The following ADARB1 variants were observed in gnomAD, a reference collection of about 807,000 sequenced individuals.
ADARB1 encodes the protein adenosine deaminase RNA specific B1, also known as double-stranded RNA-specific editase 1.
In ADARB1, 10 loss-of-function variants were observed where a neutral mutation model predicts 52.4. That is an observed-to-expected ratio of 0.19 (90% confidence interval 0.12 to 0.32). The LOEUF is 0.32. Among genes scored for constraint, ADARB1 ranks in the 10% least tolerant of loss-of-function variants. The pLI is 1.00. For synonymous variants in ADARB1, 349 were observed against 371.1 expected, an observed-to-expected ratio of 0.94 and a Z score of 0.68; for missense variants, 643 against 922.3, an observed-to-expected ratio of 0.70 and a Z score of 3.92.
rs2092936225 is a variant in ADARB1 at position 45,220,098 on chromosome 21, A to T, written c.1748-738A>T. ...TCTTGCTTCAATTTTAGCAGAAGTC[A>T]TGTAGCTCTGATAGGAGCGCTTTTC... On this transcript the variant is annotated intron_variant, in intron 9 of 10. Transcript: ENST00000348831. This position sits in a 1 kb window ranked among gnomAD's most constrained non-coding sequence, Gnocchi z 6.3. Among the ~76,000 whole-genome samples, 1 of 150,936 alleles carries T rather than the reference A, an allele frequency of 6.6e-6. No homozygotes were observed. Among genetic ancestry groups the T allele is most frequent in the Non-Finnish European group, 1.5e-5 (1 of 67,942 alleles).
chr21:45,119,632 G>T (rs1205361110), intron 1 of ADARB1, among the ~76,000 whole-genome samples: 2 of 152,200 alleles, frequency 1.3e-5, no homozygotes, highest in East Asian at 3.8e-4. Flanking sequence ...ATGGTGTGTT[G>T]CAAGTTAGTT....
At chr21:45,210,429 G>A (rs1408750915) in intron 9 of ADARB1, among the ~76,000 whole-genome samples, 1 of 152,184 alleles carries the variant, frequency 6.6e-6, no homozygotes, top group Non-Finnish European at 1.5e-5. Context: ...TCTCTGTGCA[G>A]ATGACTGTAA....
In ADARB1 at chr21:45,204,498, G is replaced by A; in HGVS notation, c.1566-57G>A. ...CCTGTAACCACGCAGGCTTGGGCTGGGCTGCGTCGACACTGAGTCCGAGCT... is the reference window on the plus strand; with the variant it reads ...CCTGTAACCACGCAGGCTTGGGCTGAGCTGCGTCGACACTGAGTCCGAGCT... On this transcript the variant is annotated intron_variant, in intron 8 of 10. Transcript: ENST00000348831. The surrounding 1 kb of genome is among the most constrained non-coding windows in gnomAD (Gnocchi z 4.4). The A allele has an allele frequency of 6.4e-7, 1 of 1,567,194 alleles. No individual in the cohort carries two copies. Among genetic ancestry groups the A allele is most frequent in the South Asian group, 1.2e-5 (1 of 86,344 alleles).
chr21:45,150,670 G>C (rs918741795), intron 2 of ADARB1, among the ~76,000 whole-genome samples: 1 of 152,112 alleles, frequency 6.6e-6, no homozygotes, highest in South Asian at 2.1e-4. Context: ...CCACCCTAAC[G>C]AGAAGTGAAG....
chr21:45,123,006 T>C (rs180947214), intron 1 of ADARB1, among the ~76,000 whole-genome samples: 1 of 152,342 alleles, frequency 6.6e-6, no homozygotes, highest in African/African-American at 2.4e-5. Flanking sequence ...AGCTACTTGG[T>C]CCCATTGTTA....
In ADARB1 at chr21:45,220,244, A is replaced by G. The variant is rs781380535; in HGVS notation, c.1748-592A>G. Among the ~76,000 whole-genome samples, 4 of 152,160 alleles carry G rather than the reference A, an allele frequency of 2.6e-5. No homozygotes were observed. The highest frequency in any genetic ancestry group is 6.5e-5 in the Admixed American group (1 of 15,280). On this transcript the variant is annotated intron_variant, in intron 9 of 10. Transcript: ENST00000348831. This position sits in a 1 kb window ranked among gnomAD's most constrained non-coding sequence, Gnocchi z 6.3. ...TTGAAATCCATGAGGTTTTTTCATA[A>G]TAAGCATTTTCCATGAACTTTTTCA...
At chr21:45,093,130 C>T (rs140938068) in intron 1 of ADARB1, among the ~76,000 whole-genome samples, 6 of 152,204 alleles carry the variant, frequency 3.9e-5, no homozygotes, top group Non-Finnish European at 7.3e-5. Context: ...TAAGCAGCCT[C>T]CCCAGGAAGG....
intron 9 of ADARB1, among the ~76,000 whole-genome samples, chr21:45,214,965 G>A (rs2092834044): frequency 6.6e-6 from 1 of 152,198 alleles, no homozygotes; most frequent in Admixed American, 6.5e-5. Flanking sequence ...GATGACAGCA[G>A]ACATCCTTCT....
chr21:45,156,414 T>TCATCACC (rs2090638161), intron 2 of ADARB1, among the ~76,000 whole-genome samples: 1 of 97,402 alleles, frequency 1.0e-5, no homozygotes, highest in Admixed American at 9.9e-5. Context: ...CACCCACCCA[T>TCATCACC]CATCACCCAT....
intron 2 of ADARB1, chr21:45,134,602 T>A: frequency 2.7e-6 from 1 of 373,428 alleles, no homozygotes; most frequent in South Asian, 2.0e-5. Flanking sequence ...CGTGGCTTAG[T>A]GTTCAGGGTC....
chr21:45,208,679 A>T lies in ADARB1; in HGVS notation c.1747+3943A>T, dbSNP rs879740513. 1.9e-4 allele frequency among the ~76,000 whole-genome samples: 29 copies of T among 150,978 alleles called. No homozygotes were observed. The highest frequency in any genetic ancestry group is 4.9e-4 in the African/African-American group (20 of 41,100). The stretch of plus-strand genomic sequence containing the variant: ...GTGTGCATGAGTGCGTGTGTGTATG[A>T]GTGTGTGTGCATGTGTGTGTGCACG... On this transcript the variant is annotated intron_variant, in intron 9 of 10. Transcript: ENST00000348831. The surrounding 1 kb of genome is among the most constrained non-coding windows in gnomAD (Gnocchi z 5.6).
At chr21:45,102,329 G>T (rs573390774) in intron 1 of ADARB1, among the ~76,000 whole-genome samples, 1 of 152,306 alleles carries the variant, frequency 6.6e-6, no homozygotes, top group East Asian at 1.9e-4. Context: ...AATGGGAGAA[G>T]GCACTTTCCT....
At chr21:45,102,523 C>A (rs1200033841) in intron 1 of ADARB1, among the ~76,000 whole-genome samples, 1 of 152,134 alleles carries the variant, frequency 6.6e-6, no homozygotes, top group Non-Finnish European at 1.5e-5. Flanking sequence ...GGAAATAACA[C>A]AAGTGCCAGG....
At chr21:45,087,213 A>G (rs2086381168) in intron 1 of ADARB1, among the ~76,000 whole-genome samples, 1 of 152,210 alleles carries the variant, frequency 6.6e-6, no homozygotes, top group Non-Finnish European at 1.5e-5. Context: ...GCTTCTAGGA[A>G]TCCTTCCAGA....
At chr21:45,214,264 A>G (rs941178039) in intron 9 of ADARB1, among the ~76,000 whole-genome samples, 1 of 152,206 alleles carries the variant, frequency 6.6e-6, no homozygotes, top group African/African-American at 2.4e-5. Context: ...AGAGTTATTT[A>G]TATTTTCTAG....
chr21:45,114,490 T>A (rs1343299689), intron 1 of ADARB1, among the ~76,000 whole-genome samples: 6 of 152,228 alleles, frequency 3.9e-5, no homozygotes, highest in Non-Finnish European at 7.3e-5. Flanking sequence ...GGGAGGGCTT[T>A]GCTTTTGCAG....
intron 8 of ADARB1, among the ~76,000 whole-genome samples, chr21:45,193,804 G>A (rs1164975296): frequency 6.6e-6 from 1 of 152,160 alleles, no homozygotes; most frequent in East Asian, 1.9e-4. Context: ...ATTGAAAACT[G>A]TAACACATTG....
chr21:45,149,771 T>C (rs1252864244), intron 2 of ADARB1, among the ~76,000 whole-genome samples: 1 of 152,252 alleles, frequency 6.6e-6, no homozygotes, highest in Non-Finnish European at 1.5e-5. Context: ...ATATTAAGCA[T>C]TTTCGGATAA....
At chr21:45,164,607 T>C (rs1306761267) in intron 2 of ADARB1, among the ~76,000 whole-genome samples, 1 of 151,928 alleles carries the variant, frequency 6.6e-6, no homozygotes, top group African/African-American at 2.4e-5. Flanking sequence ...GATGAAGCCT[T>C]GCGCGAGGAC....
Sources: allele counts gnomAD v4.1 joint callset (sites outside exome capture counted in the v4.1 genomes callset), GRCh38; gene constraint gnomAD v4.1.1; non-coding constraint Gnocchi (gnomAD v3.1); transcripts MANE v1.5; gene names NCBI Gene and HGNC (gene_info 2026-07-23, HGNC 2026-07-21).